Variants in PSD3 observed in about 807,000 individuals in gnomAD.
The protein encoded by PSD3 is PH and SEC7 domain-containing protein 3.
In PSD3, 49 loss-of-function variants were observed where a neutral mutation model predicts 105.5. The ratio of observed to expected loss-of-function variants is 0.46; its 90% CI spans 0.37 to 0.59. The LOEUF (loss-of-function observed/expected upper bound fraction) is 0.59, where lower values mean the gene tolerates loss of function less well. PSD3 is among the 20% of genes least tolerant of loss of function. The pLI, the probability that PSD3 is intolerant of heterozygous loss-of-function variation, is 0.00. For synonymous variants in PSD3, 557 were observed against 457.8 expected, an observed-to-expected ratio of 1.22 and a Z score of -2.77; for missense variants, 1,561 against 1,263.8, an observed-to-expected ratio of 1.24 and a Z score of -3.57.
At chr8:18,741,871 A>G (rs1804608887) in intron 9 of PSD3, among the ~76,000 whole-genome samples, 1 of 152,122 alleles carries the variant, frequency 6.6e-6, no homozygotes, top group Admixed American at 6.5e-5. Flanking sequence ...TGCAAACAGA[A>G]TAAAAAAGCA....
At chr8:19,020,654 C>T (rs1410210833) in intron 1 of PSD3, among the ~76,000 whole-genome samples, 1 of 151,928 alleles carries the variant, frequency 6.6e-6, no homozygotes, top group Non-Finnish European at 1.5e-5. Context: ...GCTACTACAA[C>T]AATTCAAGCA....
intron 9 of PSD3, among the ~76,000 whole-genome samples, chr8:18,662,667 C>T (rs1302427749): frequency 6.6e-6 from 1 of 152,128 alleles, no homozygotes; most frequent in African/African-American, 2.4e-5. Flanking sequence ...TTCTTTGCCC[C>T]CTTCCAGATC....
chr8:18,852,316 C>G (rs544301564), intron 4 of PSD3, among the ~76,000 whole-genome samples: 21 of 152,274 alleles, frequency 1.4e-4, no homozygotes, highest in Middle Eastern at 3.4e-3. Flanking sequence ...CACAGCTGCA[C>G]AGCTACCAAC....
chr8:18,593,457 T>G (rs1295585456), intron 12 of PSD3, among the ~76,000 whole-genome samples: 1 of 152,114 alleles, frequency 6.6e-6, no homozygotes, highest in Non-Finnish European at 1.5e-5. Flanking sequence ...CGGCGATCGT[T>G]AAAAAGTCAG....
chr8:18,874,841 T>G (rs1817628870), intron 2 of PSD3, among the ~76,000 whole-genome samples: 1 of 152,136 alleles, frequency 6.6e-6, no homozygotes, highest in Non-Finnish European at 1.5e-5. Flanking sequence ...TATCCCCCAG[T>G]GTGTTAAATA....
intron 9 of PSD3, among the ~76,000 whole-genome samples, chr8:18,668,603 A>G: frequency 6.6e-6 from 1 of 152,220 alleles, no homozygotes; most frequent in East Asian, 1.9e-4. Context: ...GGTATCTCAG[A>G]CAGGTCTTTC....
At chr8:18,788,854 G>A (rs1031803184) in intron 8 of PSD3, among the ~76,000 whole-genome samples, 1 of 152,148 alleles carries the variant, frequency 6.6e-6, no homozygotes, top group African/African-American at 2.4e-5. Context: ...TATTTTGCAT[G>A]CTTTGCTATC....
intron 4 of PSD3, among the ~76,000 whole-genome samples, chr8:18,862,022 C>T (rs970861655): frequency 7.9e-5 from 12 of 152,102 alleles, no homozygotes; most frequent in African/African-American, 1.7e-4. Flanking sequence ...AGTAAGGGTC[C>T]GATGCAGGAC....
intron 2 of PSD3, among the ~76,000 whole-genome samples, chr8:18,878,547 C>T (rs1027476781): frequency 6.6e-6 from 1 of 152,208 alleles, no homozygotes; most frequent in African/African-American, 2.4e-5. Context: ...CTTAAGCATA[C>T]ATACATTCTG....
intron 9 of PSD3, among the ~76,000 whole-genome samples, chr8:18,675,918 C>G (rs756088713): frequency 6.6e-6 from 1 of 152,034 alleles, no homozygotes. Flanking sequence ...CTAAGCTGGA[C>G]GCAATCCCTA....
chr8:18,731,100 A>ATTT, intron 9 of PSD3, among the ~76,000 whole-genome samples: 1 of 149,994 alleles, frequency 6.7e-6, no homozygotes, highest in African/African-American at 2.4e-5. Flanking sequence ...TAATAAAAAT[A>ATTT]CAAAAATTAG....
At chr8:18,780,616 C>T (rs767614085) in intron 8 of PSD3, among the ~76,000 whole-genome samples, 7 of 152,012 alleles carry the variant, frequency 4.6e-5, no homozygotes, top group African/African-American at 1.2e-4. Flanking sequence ...TGCAGTGGTG[C>T]GACCTTGGCT....
intron 4 of PSD3, among the ~76,000 whole-genome samples, chr8:18,855,174 A>G (rs1414422921): frequency 6.6e-6 from 1 of 152,252 alleles, no homozygotes; most frequent in Non-Finnish European, 1.5e-5. Context: ...TGGAGATTTA[A>G]AAGACTAAAA....
intron 1 of PSD3, among the ~76,000 whole-genome samples, chr8:19,047,065 G>C (rs1048353716): frequency 3.3e-5 from 5 of 150,632 alleles, no homozygotes; most frequent in African/African-American, 1.2e-4. Context: ...CTCCCTCTCC[G>C]GGGCTCGTTG....
chr8:18,982,969 T>C (rs1825316247), intron 1 of PSD3, among the ~76,000 whole-genome samples: 1 of 152,260 alleles, frequency 6.6e-6, no homozygotes, highest in Admixed American at 6.5e-5. Context: ...TCTGTAGCTA[T>C]GTAAGTTCCA....
At chr8:18,860,073 T>C (rs903872874) in intron 4 of PSD3, among the ~76,000 whole-genome samples, 3 of 152,146 alleles carry the variant, frequency 2.0e-5, no homozygotes, top group Non-Finnish European at 4.4e-5. Flanking sequence ...GATTCTTCCT[T>C]TCATTTGAAC....
intron 1 of PSD3, among the ~76,000 whole-genome samples, chr8:19,039,171 C>G (rs1828042382): frequency 6.6e-6 from 1 of 152,122 alleles, no homozygotes; most frequent in Non-Finnish European, 1.5e-5. Flanking sequence ...ATCCTTTTTT[C>G]TCTGCAAACA....
In PSD3 at chr8:18,759,974, T is replaced by C. The variant is rs114893883; in HGVS notation, c.2172+5475A>G. Reference sequence around the variant, plus strand: ...AGTTAGAAATGCAGAGCAGATTCGATAGAAGATAGAAACGCAGCTTTTCTG... The same window carrying C: ...AGTTAGAAATGCAGAGCAGATTCGACAGAAGATAGAAACGCAGCTTTTCTG... On this transcript the variant is annotated intron_variant, in intron 9 of 15. Transcript: ENST00000327040. Among the ~76,000 whole-genome samples, 535 of 109,870 alleles carry C rather than the reference T, an allele frequency of 4.9e-3. 31 individuals are homozygous for C. Among genetic ancestry groups the C allele is most frequent in the African/African-American group, 0.026 (495 of 19,196 alleles). 72.1% of individuals were successfully genotyped at this position (109,870 alleles called of 152,430 possible).
At chr8:18,940,866 C>T (rs917191282) in intron 1 of PSD3, among the ~76,000 whole-genome samples, 2 of 152,118 alleles carry the variant, frequency 1.3e-5, no homozygotes, top group Admixed American at 6.5e-5. Context: ...CTGTCAGTTC[C>T]CCAATAAAAC....
Sources: gnomAD v4.1 joint callset for allele counts (sites outside exome capture counted in the v4.1 genomes callset) on GRCh38, gnomAD v4.1.1 for gene constraint, MANE v1.5 for transcripts, NCBI Gene and HGNC (gene_info 2026-07-23, HGNC 2026-07-21) for gene names.